MAD1L1: variants seen among roughly 807,000 people sequenced by gnomAD.
MAD1L1 encodes mitotic arrest deficient 1 like 1, also known as mitotic spindle assembly checkpoint protein MAD1.
In MAD1L1, 95 loss-of-function variants were observed where a neutral mutation model predicts 96.9. The observed-to-expected ratio is 0.98, with a 90% CI of 0.83 to 1.16. The LOEUF (loss-of-function observed/expected upper bound fraction) is 1.16. MAD1L1 is among the 50% of genes most tolerant of loss of function. MAD1L1 has a pLI of 0.00. For synonymous variants in MAD1L1, 473 were observed against 396.6 expected (o/e 1.19, Z -2.29); for missense variants, 1,007 against 954.4 (o/e 1.06, Z -0.73).
chr7:2,231,053 C>T (rs976168142), intron 1 of MAD1L1, among the ~76,000 whole-genome samples: 2 of 152,230 alleles, frequency 1.3e-5, no homozygotes, highest in Non-Finnish European at 2.9e-5. Flanking sequence ...TGGTTCACGC[C>T]TCTAATCCCA....
At chr7:2,143,801 A>G (rs1789159966) in intron 11 of MAD1L1, among the ~76,000 whole-genome samples, 1 of 152,120 alleles carries the variant, frequency 6.6e-6, no homozygotes, top group Admixed American at 6.5e-5. Flanking sequence ...CCCAGGCTGG[A>G]ATGCACTTCT....
At chr7:2,208,245 T>C (rs763333815) in intron 10 of MAD1L1, among the ~76,000 whole-genome samples, 1 of 152,110 alleles carries the variant, frequency 6.6e-6, no homozygotes, top group Non-Finnish European at 1.5e-5. Flanking sequence ...ACATAACCCA[T>C]TTTGGTACAT....
At chr7:1,963,965 A>G (rs1315403446) in intron 15 of MAD1L1, among the ~76,000 whole-genome samples, 1 of 152,156 alleles carries the variant, frequency 6.6e-6, no homozygotes, top group Non-Finnish European at 1.5e-5. Flanking sequence ...GGAGCCCCGC[A>G]AGTGCTGTGG....
At chr7:2,055,676 A>AG (rs1452976279) in intron 12 of MAD1L1, among the ~76,000 whole-genome samples, 1 of 151,284 alleles carries the variant, frequency 6.6e-6, no homozygotes. Context: ...TCTCAAAAAA[A>AG]AAAAAAAAAA....
chr7:2,077,894 C>T (rs911923995), intron 11 of MAD1L1, among the ~76,000 whole-genome samples: 34 of 152,346 alleles, frequency 2.2e-4, no homozygotes, highest in African/African-American at 7.2e-4. Flanking sequence ...AGGCGCCCGT[C>T]GGGGAGCCTC....
At chr7:2,149,085 C>T in intron 11 of MAD1L1, 67 bp downstream of exon 11, 2 of 1,430,852 alleles carry the variant, frequency 1.4e-6, no homozygotes, top group Non-Finnish European at 2.0e-6. Context: ...GGGGCACACA[C>T]TCTCACTCAC....
intron 18 of MAD1L1, among the ~76,000 whole-genome samples, chr7:1,853,782 G>A (rs1347350204): frequency 6.6e-6 from 1 of 152,064 alleles, no homozygotes; most frequent in Non-Finnish European, 1.5e-5. Context: ...AAGGGGCCCT[G>A]CCTCTGCACC....
At chr7:2,131,197 G>A (rs537940853) in intron 11 of MAD1L1, among the ~76,000 whole-genome samples, 8 of 152,306 alleles carry the variant, frequency 5.3e-5, no homozygotes, top group East Asian at 1.9e-4. Flanking sequence ...CCCTGCACAC[G>A]ATAAACACTC....
At chr7:2,116,417 C>T (rs568681189) in intron 11 of MAD1L1, among the ~76,000 whole-genome samples, 18 of 152,328 alleles carry the variant, frequency 1.2e-4, no homozygotes, top group African/African-American at 4.3e-4. Context: ...CTCTAAGAGA[C>T]AAGAGCCTTG....
At chr7:2,102,525 C>T (rs1457501419) in intron 11 of MAD1L1, among the ~76,000 whole-genome samples, 3 of 151,518 alleles carry the variant, frequency 2.0e-5, no homozygotes, top group South Asian at 2.1e-4. Flanking sequence ...ACCATTCTCA[C>T]GTCACCATCA....
intron 10 of MAD1L1, among the ~76,000 whole-genome samples, chr7:2,166,323 C>G (rs1386499773): frequency 6.6e-6 from 1 of 152,110 alleles, no homozygotes; most frequent in Non-Finnish European, 1.5e-5. Flanking sequence ...GAAGAAATGC[C>G]GGCTTTACAG....
At chr7:2,097,799 AGGCGTCT>A (rs922327017) in intron 11 of MAD1L1, among the ~76,000 whole-genome samples, 3 of 152,212 alleles carry the variant, frequency 2.0e-5, no homozygotes, top group Admixed American at 2.0e-4. Flanking sequence ...GAGGCTGCAG[AGGCGTCT>A]GGGACCCCTG....
At chr7:2,019,355 C>T (rs912045511) in intron 12 of MAD1L1, among the ~76,000 whole-genome samples, 4 of 152,212 alleles carry the variant, frequency 2.6e-5, no homozygotes, top group East Asian at 1.9e-4. Flanking sequence ...TGGGGCCCAT[C>T]GAGAACATGA....
chr7:2,098,731 C>T (rs1786628003), intron 11 of MAD1L1, among the ~76,000 whole-genome samples: 1 of 152,030 alleles, frequency 6.6e-6, no homozygotes, highest in African/African-American at 2.4e-5. Context: ...CACCCGATAG[C>T]TGCCCGGCAT....
At chr7:1,978,269 C>A (rs953360331) in intron 15 of MAD1L1, among the ~76,000 whole-genome samples, 1 of 152,232 alleles carries the variant, frequency 6.6e-6, no homozygotes, top group Non-Finnish European at 1.5e-5. Flanking sequence ...CTACACACTA[C>A]CCCCTCTCCG....
intron 11 of MAD1L1, among the ~76,000 whole-genome samples, chr7:2,098,031 G>C (rs764868033): frequency 1.3e-5 from 2 of 152,226 alleles, no homozygotes; most frequent in African/African-American, 2.4e-5. Context: ...CACCTCCAGC[G>C]GGAGGAAGGC....
chr7:2,215,459 G>A (rs1793217364), intron 9 of MAD1L1, among the ~76,000 whole-genome samples: 1 of 151,922 alleles, frequency 6.6e-6, no homozygotes, highest in African/African-American at 2.4e-5. Flanking sequence ...TCCCCGAGCT[G>A]GAATCCTGGT....
At chr7:2,201,891 G>C (rs1792324518) in intron 10 of MAD1L1, 1 of 152,338 alleles carries the variant, frequency 6.6e-6, no homozygotes, top group African/African-American at 2.4e-5. Context: ...TGTCAGCACT[G>C]CTGGGAACGC....
intron 10 of MAD1L1, among the ~76,000 whole-genome samples, chr7:2,156,545 C>T (rs1562738052): frequency 6.6e-6 from 1 of 152,188 alleles, no homozygotes; most frequent in Non-Finnish European, 1.5e-5. Flanking sequence ...AGGCTGGGCG[C>T]GCAGTGGCTC....
Sources: gnomAD v4.1 joint callset for allele counts (sites outside exome capture counted in the v4.1 genomes callset) on GRCh38, gnomAD v4.1.1 for gene constraint, MANE v1.5 for transcripts, NCBI Gene and HGNC (gene_info 2026-07-23, HGNC 2026-07-21) for gene names.